SLC23A2: variants seen among roughly 807,000 people sequenced by gnomAD.
SLC23A2 encodes the protein solute carrier family 23 member 2.
In SLC23A2, 36 loss-of-function variants were observed where a neutral mutation model predicts 73.3. The ratio of observed to expected loss-of-function variants is 0.49; its 90% CI spans 0.38 to 0.65. SLC23A2 has a LOEUF of 0.65. Ranked by LOEUF, SLC23A2 falls within the 30% of genes least tolerant of loss-of-function variation. SLC23A2 has a pLI of 0.00. For missense variants in SLC23A2, 507 were observed against 841.6 expected (o/e 0.60, Z 4.92); for synonymous variants, 343 against 327.3 (o/e 1.05, Z -0.52).
intron 3 of SLC23A2, among the ~76,000 whole-genome samples, chr20:4,920,077 A>G (rs1932453338): frequency 6.6e-6 from 1 of 152,186 alleles, no homozygotes; most frequent in Admixed American, 6.5e-5. Flanking sequence ...CCTGGCCAAC[A>G]TGGTGAAACC....
intron 15 of SLC23A2, 21 bp from the exon 16 acceptor site, chr20:4,859,405 T>C (rs371656974): frequency 2.3e-5 from 35 of 1,537,126 alleles, no homozygotes; most frequent in Middle Eastern, 1.7e-4. Flanking sequence ...AACACAGCCA[T>C]AAACGATCAG....
At chr20:4,937,979 T>C (rs1001884488) in intron 2 of SLC23A2, among the ~76,000 whole-genome samples, 13 of 151,912 alleles carry the variant, frequency 8.6e-5, no homozygotes, top group African/African-American at 3.1e-4. Context: ...CACATCACCA[T>C]GGTCTCTCAT....
intron 6 of SLC23A2, among the ~76,000 whole-genome samples, chr20:4,895,084 A>G (rs529865244): frequency 6.6e-6 from 1 of 152,396 alleles, no homozygotes; most frequent in East Asian, 1.9e-4. Context: ...TGCACAATGC[A>G]GGATACAGAA....
intron 1 of SLC23A2, among the ~76,000 whole-genome samples, chr20:4,979,844 C>T (rs1277390327): frequency 6.6e-6 from 1 of 152,012 alleles, no homozygotes; most frequent in East Asian, 1.9e-4. Context: ...ACACTTAGTT[C>T]TCCAATACAT....
In SLC23A2 at chr20:4,883,894, A is replaced by G. The variant is rs773862496; in HGVS notation, c.643-71T>C. ...CTGCACACTCAGAATGTCACCTACA[A>G]CCACAACTGATAATTCTGCAAGGCA... is the stretch of plus-strand genomic sequence containing the variant. On this transcript the variant is annotated intron_variant, in intron 8 of 16. Transcript: ENST00000338244. This position sits in a 1 kb window ranked among gnomAD's most constrained non-coding sequence, Gnocchi z 4.5. 1 of 1,032,278 alleles carries G rather than the reference A, an allele frequency of 9.7e-7. No individual in the cohort carries two copies. The highest frequency in any genetic ancestry group is 1.4e-6 in the Non-Finnish European group (1 of 716,126). 63.9% of individuals were successfully genotyped at this position (1,032,278 alleles called of 1,614,324 possible). A position where few individuals can be genotyped will look rare whatever the true frequency, so the allele number is the denominator to read the frequency against.
At chr20:4,858,576 C>T (rs745322488) in intron 16 of SLC23A2, among the ~76,000 whole-genome samples, 4 of 152,078 alleles carry the variant, frequency 2.6e-5, no homozygotes, top group Non-Finnish European at 4.4e-5. Context: ...AAAATCTCAA[C>T]AAAACCTTTG....
At chr20:4,867,730 G>T in intron 13 of SLC23A2, 40 bp downstream of exon 13, 1 of 1,203,564 alleles carries the variant, frequency 8.3e-7, no homozygotes, top group Non-Finnish European at 1.2e-6. Flanking sequence ...ATGGACCAAT[G>T]CTTAGAAACC....
At chr20:4,970,269 G>A (rs920786686) in intron 2 of SLC23A2, among the ~76,000 whole-genome samples, 1 of 152,140 alleles carries the variant, frequency 6.6e-6, no homozygotes, top group African/African-American at 2.4e-5. Flanking sequence ...ATCTACTTGC[G>A]TGGAATTTGG....
At chr20:4,939,661 C>T (rs1259499267) in intron 2 of SLC23A2, among the ~76,000 whole-genome samples, 1 of 152,206 alleles carries the variant, frequency 6.6e-6, no homozygotes, top group African/African-American at 2.4e-5. Flanking sequence ...TTGTGAACAA[C>T]AGCAAAGAAG....
intron 6 of SLC23A2, among the ~76,000 whole-genome samples, chr20:4,890,351 C>G (rs1776958): frequency 0.64 from 96,877 of 152,044 alleles, 33,412 homozygotes; most frequent in African/African-American, 0.91. Flanking sequence ...TGTGTACCAA[C>G]TACTTTTAAA....
At chr20:4,942,029 G>A (rs1434582378) in intron 2 of SLC23A2, among the ~76,000 whole-genome samples, 1 of 151,968 alleles carries the variant, frequency 6.6e-6, no homozygotes, top group East Asian at 1.9e-4. Context: ...CAAAAGATGG[G>A]CCCAATTTCA....
At chr20:4,912,464 T>G (rs1287590712) in intron 4 of SLC23A2, among the ~76,000 whole-genome samples, 1 of 151,976 alleles carries the variant, frequency 6.6e-6, no homozygotes. Flanking sequence ...CAACCAGATG[T>G]TGACATTTTT....
intron 6 of SLC23A2, among the ~76,000 whole-genome samples, chr20:4,897,080 T>C (rs530147223): frequency 2.6e-4 from 40 of 152,310 alleles, no homozygotes; most frequent in Admixed American, 1.6e-3. Flanking sequence ...CTGCAAGCCA[T>C]GTGCTTCGAT....
intron 2 of SLC23A2, among the ~76,000 whole-genome samples, chr20:4,945,424 C>G (rs1485295253): frequency 6.6e-6 from 1 of 152,188 alleles, no homozygotes; most frequent in East Asian, 1.9e-4. Context: ...TAGCTGTGAC[C>G]ACAGGCATGC....
intron 9 of SLC23A2, among the ~76,000 whole-genome samples, chr20:4,882,297 C>T (rs1013416062): frequency 6.6e-6 from 1 of 152,022 alleles, no homozygotes; most frequent in Non-Finnish European, 1.5e-5. Flanking sequence ...ATTGCTTAAA[C>T]TCGGGAGGTG....
intron 2 of SLC23A2, among the ~76,000 whole-genome samples, chr20:4,934,925 T>C (rs1431290433): frequency 1.3e-5 from 2 of 150,212 alleles, no homozygotes; most frequent in Non-Finnish European, 3.0e-5. Context: ...CAGTGGCTCA[T>C]GCCTGTAATC....
Position 4,932,191 on chromosome 20 carries a change from G to A in SLC23A2, c.108+264C>T, listed in dbSNP as rs139998520. ...AAATTAAGTCTTCAACATCCTCCAGGACACAGTAAGCACTGGGCTAGATTT... is the reference window on the plus strand; with the variant it reads ...AAATTAAGTCTTCAACATCCTCCAGAACACAGTAAGCACTGGGCTAGATTT... On this transcript the variant is annotated intron_variant, in intron 3 of 16. Coordinates refer to ENST00000338244, the MANE Select transcript of SLC23A2 (RefSeq NM_005116.6). Among the ~76,000 whole-genome samples, 500 of 152,270 alleles carry A rather than the reference G, an allele frequency of 3.3e-3. 1 individual carries two copies. The highest frequency in any genetic ancestry group is 0.011 in the African/African-American group (477 of 41,550).
chr20:4,932,634 C>T lies in SLC23A2; in HGVS notation c.-72G>A. On this transcript the variant is annotated 5_prime_UTR_variant, in exon 3 of 17. Coordinates refer to ENST00000338244, the MANE Select transcript of SLC23A2 (RefSeq NM_005116.6). ...AGTGAAGGCTTATTCAAGCTAGGAG[C>T]CCAGGATCAGCCGGCTCTTCTAGTG... 1.2e-6 allele frequency: 1 copy of T among 865,688 alleles called. No individual in the cohort carries two copies. The highest frequency in any genetic ancestry group is 1.3e-5 in the South Asian group (1 of 74,530). The allele number at this position is 865,688 out of a possible 1,614,324, so 53.6% of individuals were successfully genotyped here.
chr20:4,916,300 C>T (rs993369125), intron 3 of SLC23A2, among the ~76,000 whole-genome samples: 8 of 152,172 alleles, frequency 5.3e-5, no homozygotes, highest in East Asian at 1.9e-4. Context: ...TCCTAAAACA[C>T]GGATCAGTTA....
Sources: allele counts gnomAD v4.1 joint callset (sites outside exome capture counted in the v4.1 genomes callset), GRCh38; gene constraint gnomAD v4.1.1; non-coding constraint Gnocchi (gnomAD v3.1); transcripts MANE v1.5; gene names NCBI Gene and HGNC (gene_info 2026-07-23, HGNC 2026-07-21).